Variants in CBFB observed in about 807,000 individuals in gnomAD.
The protein encoded by CBFB is CBF-beta.
CBFB carries 9 observed loss-of-function variants against 30.4 expected under a neutral mutation model. The observed-to-expected ratio is 0.30, with a 90% CI of 0.18 to 0.52. The LOEUF is 0.52. Among genes scored for constraint, CBFB ranks in the 20% least tolerant of loss-of-function variants. The pLI is 0.97. For missense variants in CBFB, 170 were observed against 244.0 expected (o/e 0.70, Z 2.02); for synonymous variants, 94 against 84.0 (o/e 1.12, Z -0.65).
chr16:67,067,163 A>G (rs970393799), intron 4 of CBFB, among the ~76,000 whole-genome samples: 5 of 151,910 alleles, frequency 3.3e-5, no homozygotes, highest in African/African-American at 1.2e-4. Flanking sequence ...TGAGGAGCTC[A>G]ACAAGTCCTC....
At chr16:67,060,309 A>C (rs1960871497) in intron 3 of CBFB, among the ~76,000 whole-genome samples, 1 of 152,158 alleles carries the variant, frequency 6.6e-6, no homozygotes, top group Admixed American at 6.5e-5. Flanking sequence ...TACAATTCAC[A>C]TACCATAAAA....
chr16:67,038,971 G>A (rs1053944268), intron 3 of CBFB, among the ~76,000 whole-genome samples: 3 of 152,036 alleles, frequency 2.0e-5, no homozygotes, highest in Non-Finnish European at 2.9e-5. Context: ...CATAATCCTT[G>A]GACTTAAACC....
chr16:67,044,194 G>C (rs1966582836), intron 3 of CBFB, among the ~76,000 whole-genome samples: 2 of 152,084 alleles, frequency 1.3e-5, no homozygotes, highest in Admixed American at 1.3e-4. Flanking sequence ...AAGCTTCATT[G>C]GGATTTTGAA....
rs1362425918 is a variant in CBFB at position 67,029,216 on chromosome 16, G to T, written c.-192G>T. 13 of 274,824 alleles carry T rather than the reference G, an allele frequency of 4.7e-5. No homozygotes were observed. Among genetic ancestry groups the T allele is most frequent in the Non-Finnish European group, 7.8e-5 (12 of 154,368 alleles). 17.0% of individuals were successfully genotyped at this position (274,824 alleles called of 1,614,324 possible). A position where few individuals can be genotyped will look rare whatever the true frequency, so the allele number is the denominator to read the frequency against. On this transcript the variant is annotated 5_prime_UTR_variant, in exon 1 of 6. Transcript: ENST00000412916. Reference sequence around the variant, plus strand: ...CGGCGGCGGCGGCGGCGGCGGCGTGGGTTGGGCTCGAGCGGGCGGCGGCGC... The same window carrying T: ...CGGCGGCGGCGGCGGCGGCGGCGTGTGTTGGGCTCGAGCGGGCGGCGGCGC...
At position 67,029,183 on chromosome 16, in the gene CBFB, G is replaced by C; in HGVS notation, c.-225G>C. 5.2e-6 allele frequency: 1 copy of C among 190,534 alleles called. No individual in the cohort carries two copies. Among genetic ancestry groups the C allele is most frequent in the Non-Finnish European group, 1.0e-5 (1 of 99,896 alleles). 11.8% of individuals were successfully genotyped at this position (190,534 alleles called of 1,614,324 possible). A position where few individuals can be genotyped will look rare whatever the true frequency, so the allele number is the denominator to read the frequency against. On this transcript the variant is annotated 5_prime_UTR_variant, in exon 1 of 6. Transcript: ENST00000412916. ...TGGGGCTGCGCGGGCGGCAGGCAAC[G>C]GCTGAGGCGGCGGCGGCGGCGGCGG...
At chr16:67,061,901 A>C (rs1419612155) in intron 3 of CBFB, among the ~76,000 whole-genome samples, 1 of 151,884 alleles carries the variant, frequency 6.6e-6, no homozygotes, top group East Asian at 2.0e-4. Context: ...GTGTGGTGGT[A>C]GGTGCCTGTA....
chr16:67,047,840 G>A (rs1597130967), intron 3 of CBFB, among the ~76,000 whole-genome samples: 3 of 152,182 alleles, frequency 2.0e-5, no homozygotes, highest in South Asian at 2.1e-4. Flanking sequence ...AGGCCAGGGC[G>A]GGTGGATCGC....
At chr16:67,082,137 A>C (rs1961575278) in intron 4 of CBFB, 76 bp from the exon 5 acceptor site, 1 of 1,274,358 alleles carries the variant, frequency 7.8e-7, no homozygotes, top group Non-Finnish European at 1.1e-6. Context: ...AGGAAAAAAA[A>C]AAAAAAAACA....
chr16:67,048,823 CTTTTTTTTTTTTTT>C (rs1481692625), intron 3 of CBFB, among the ~76,000 whole-genome samples: 1 of 85,838 alleles, frequency 1.2e-5, no homozygotes, highest in Non-Finnish European at 2.4e-5. Context: ...TTTTTTTTTT[CTTTTTTTTTTTTTT>C]GAGATGGAGT....
At chr16:67,029,593 G>A in intron 1 of CBFB, 108 bp downstream of exon 1, 2 of 1,323,990 alleles carry the variant, frequency 1.5e-6, no homozygotes, top group South Asian at 1.3e-5. Flanking sequence ...CGGTGCGCCC[G>A]CGGAGGGGCA....
intron 3 of CBFB, among the ~76,000 whole-genome samples, chr16:67,038,342 GTA>G (rs71756522): frequency 0.017 from 2,552 of 151,024 alleles, 85 homozygotes; most frequent in African/African-American, 0.059. Flanking sequence ...GTGTATATAT[GTA>G]TATATGTGTG....
chr16:67,087,875 G>A (rs1961772047), intron 5 of CBFB, among the ~76,000 whole-genome samples: 1 of 152,168 alleles, frequency 6.6e-6, no homozygotes, highest in Non-Finnish European at 1.5e-5. Flanking sequence ...CTTGGTATGT[G>A]TATGCCTACA....
chr16:67,067,664 G>A (rs911250514), intron 4 of CBFB, among the ~76,000 whole-genome samples: 14 of 152,234 alleles, frequency 9.2e-5, no homozygotes, highest in African/African-American at 2.6e-4. Flanking sequence ...TTCCCTGGGC[G>A]GGCAGGGTAA....
chr16:67,059,600 A>G (rs1385918255), intron 3 of CBFB, among the ~76,000 whole-genome samples: 3 of 152,206 alleles, frequency 2.0e-5, no homozygotes, highest in Non-Finnish European at 4.4e-5. Context: ...TGCAGCCAAC[A>G]AAGGGGAAAT....
chr16:67,048,658 C>T (rs1156857472), intron 3 of CBFB, among the ~76,000 whole-genome samples: 3 of 151,790 alleles, frequency 2.0e-5, no homozygotes, highest in Non-Finnish European at 4.4e-5. Context: ...TCATGCCATT[C>T]TACTGCCTCA....
intron 3 of CBFB, among the ~76,000 whole-genome samples, chr16:67,054,572 T>A (rs1215601998): frequency 6.6e-6 from 1 of 152,120 alleles, no homozygotes; most frequent in East Asian, 1.9e-4. Flanking sequence ...TTCTTATATT[T>A]TTTCTATTCT....
At chr16:67,061,329 C>T (rs1446256844) in intron 3 of CBFB, among the ~76,000 whole-genome samples, 3 of 152,132 alleles carry the variant, frequency 2.0e-5, no homozygotes, top group African/African-American at 7.2e-5. Flanking sequence ...TCTGTTTACC[C>T]ATTTTAAATC....
At chr16:67,081,883 C>T (rs1320781796) in intron 4 of CBFB, among the ~76,000 whole-genome samples, 2 of 148,778 alleles carry the variant, frequency 1.3e-5, no homozygotes, top group African/African-American at 5.0e-5. Context: ...TGCAATGGCG[C>T]AATCTCGGCT....
At chr16:67,083,335 G>A (rs1216859140) in intron 5 of CBFB, among the ~76,000 whole-genome samples, 3 of 146,766 alleles carry the variant, frequency 2.0e-5, no homozygotes, top group African/African-American at 5.1e-5. Context: ...TTGCTCTGTC[G>A]CCCAGGCTGG....
Sources: gnomAD v4.1 joint callset for allele counts (sites outside exome capture counted in the v4.1 genomes callset) on GRCh38, gnomAD v4.1.1 for gene constraint, MANE v1.5 for transcripts, NCBI Gene and HGNC (gene_info 2026-07-23, HGNC 2026-07-21) for gene names.